Variants in ANTXR1 observed in about 807,000 individuals in gnomAD.
The protein encoded by ANTXR1 is anthrax toxin receptor 1.
Under a neutral mutation model 78.1 loss-of-function variants are expected in ANTXR1, and 19 were observed. The observed-to-expected ratio is 0.24, with a 90% CI of 0.17 to 0.36. ANTXR1 has a LOEUF of 0.36. ANTXR1 is among the 10% of genes least tolerant of loss of function. The pLI is 1.00. For missense variants in ANTXR1, 518 were observed against 718.6 expected (o/e 0.72, Z 3.19); for synonymous variants, 273 against 260.5 (o/e 1.05, Z -0.46).
In ANTXR1 at chr2:69,230,213, A is replaced by C. The variant is rs1221383457; in HGVS notation, c.1435-15012A>C. On this transcript the variant is annotated intron_variant, in intron 17 of 17. Coordinates refer to ENST00000303714, the MANE Select transcript of ANTXR1 (RefSeq NM_032208.3). ...AATTTGTCAGAACTAAACAGGTGCAAACAAAACATGCCATGATTTTATATA... is the reference window on the plus strand; with the variant it reads ...AATTTGTCAGAACTAAACAGGTGCACACAAAACATGCCATGATTTTATATA... Among the ~76,000 whole-genome samples, 3 of 152,078 alleles carry C rather than the reference A, an allele frequency of 2.0e-5. No homozygotes were observed. In the East Asian group the frequency reaches 5.8e-4, roughly 29 times the overall value.
intron 17 of ANTXR1, among the ~76,000 whole-genome samples, chr2:69,233,194 G>C (rs1291051701): frequency 6.6e-6 from 1 of 152,040 alleles, no homozygotes; most frequent in African/African-American, 2.4e-5. Flanking sequence ...TTGTGTACTT[G>C]TTATACGACA....
chr2:69,096,291 AGG>A (rs1671406226), intron 9 of ANTXR1, among the ~76,000 whole-genome samples: 3 of 35,380 alleles, frequency 8.5e-5, no homozygotes, highest in African/African-American at 4.1e-4. Context: ...GAAGGAAGGG[AGG>A]AAGGGAGGAA....
intron 12 of ANTXR1, 115 bp from the exon 13 acceptor site, chr2:69,152,054 G>A (rs1035439261): frequency 2.8e-6 from 3 of 1,058,150 alleles, no homozygotes; most frequent in Admixed American, 3.6e-5. Flanking sequence ...CATTTGCTTG[G>A]CAAACTGTGC....
chr2:69,087,913 C>A (rs1045203651), intron 8 of ANTXR1, among the ~76,000 whole-genome samples: 3 of 152,208 alleles, frequency 2.0e-5, no homozygotes, highest in African/African-American at 7.2e-5. Context: ...GACTTCCTAC[C>A]TTTTGAAACC....
intron 13 of ANTXR1, 83 bp from the exon 14 acceptor site, chr2:69,170,165 C>G (rs1256645407): frequency 1.8e-5 from 27 of 1,501,310 alleles, no homozygotes; most frequent in Non-Finnish European, 2.4e-5. Context: ...GGCAGCACCA[C>G]CACGGTACCT....
chr2:69,239,597 G>A (rs553948436), intron 17 of ANTXR1, among the ~76,000 whole-genome samples: 47 of 152,338 alleles, frequency 3.1e-4, no homozygotes, highest in African/African-American at 1.1e-3. Context: ...GGGCTGAAAG[G>A]CCCTTGAACG....
chr2:69,193,714 C>G (rs1280215131), intron 17 of ANTXR1, among the ~76,000 whole-genome samples: 1 of 152,210 alleles, frequency 6.6e-6, no homozygotes, highest in Non-Finnish European at 1.5e-5. Context: ...AGAATTTGAG[C>G]TTCTCAATGT....
At chr2:69,168,081 C>T (rs1673876755) in intron 13 of ANTXR1, among the ~76,000 whole-genome samples, 1 of 152,192 alleles carries the variant, frequency 6.6e-6, no homozygotes, top group Non-Finnish European at 1.5e-5. Flanking sequence ...AACCCTTGGC[C>T]ACTGTCAGAA....
At chr2:69,030,433 A>C (rs572501674) in intron 1 of ANTXR1, among the ~76,000 whole-genome samples, 1 of 152,354 alleles carries the variant, frequency 6.6e-6, no homozygotes, top group African/African-American at 2.4e-5. Flanking sequence ...CTGAATAAAA[A>C]CTTTAAATTT....
At chr2:69,115,954 C>G (rs1453208982) in intron 10 of ANTXR1, among the ~76,000 whole-genome samples, 2 of 152,246 alleles carry the variant, frequency 1.3e-5, no homozygotes, top group Non-Finnish European at 2.9e-5. Flanking sequence ...TATACTCATT[C>G]TGAGGATGTT....
At chr2:69,069,749 G>A (rs911870400) in intron 3 of ANTXR1, among the ~76,000 whole-genome samples, 6 of 152,090 alleles carry the variant, frequency 3.9e-5, no homozygotes, top group Admixed American at 2.0e-4. Context: ...TGTATATAGC[G>A]GATGCTCAAT....
chr2:69,063,314 T>TA (rs1331530348), intron 3 of ANTXR1, among the ~76,000 whole-genome samples: 2 of 151,270 alleles, frequency 1.3e-5, no homozygotes, highest in Admixed American at 6.6e-5. Flanking sequence ...GAAGCAACAT[T>TA]AAAAAAATAA....
chr2:69,204,874 T>C (rs1478362091), intron 17 of ANTXR1, among the ~76,000 whole-genome samples: 3 of 152,222 alleles, frequency 2.0e-5, no homozygotes, highest in African/African-American at 4.8e-5. Flanking sequence ...CAGGATGCTG[T>C]GCTCCCAGAT....
intron 10 of ANTXR1, among the ~76,000 whole-genome samples, chr2:69,117,005 A>G (rs1672166099): frequency 6.6e-6 from 1 of 152,208 alleles, no homozygotes; most frequent in South Asian, 2.1e-4. Flanking sequence ...CAAGGTCTAA[A>G]CCTGTAAATA....
chr2:69,070,474 T>C (rs558684868), intron 3 of ANTXR1, among the ~76,000 whole-genome samples, 173 bp from the exon 4 acceptor site: 1 of 152,306 alleles, frequency 6.6e-6, no homozygotes, highest in South Asian at 2.1e-4. Flanking sequence ...CATCCTGTGT[T>C]ATGGTTGACC....
At chr2:69,230,295 T>C (rs1675558944) in intron 17 of ANTXR1, among the ~76,000 whole-genome samples, 1 of 151,996 alleles carries the variant, frequency 6.6e-6, no homozygotes, top group South Asian at 2.1e-4. Context: ...TTTATTTCCT[T>C]ATGTCATCTA....
intron 13 of ANTXR1, among the ~76,000 whole-genome samples, chr2:69,163,111 G>T (rs1023540666): frequency 2.6e-5 from 4 of 151,898 alleles, no homozygotes; most frequent in African/African-American, 9.7e-5. Flanking sequence ...TAAATAAACA[G>T]GTGAAGTTTC....
intron 17 of ANTXR1, among the ~76,000 whole-genome samples, chr2:69,234,967 A>T (rs1675715528): frequency 6.6e-6 from 1 of 150,686 alleles, no homozygotes; most frequent in East Asian, 1.9e-4. Flanking sequence ...ATAAACATAG[A>T]AAAGTGAAAC....
chr2:69,205,033 T>C (rs1674861794), intron 17 of ANTXR1, among the ~76,000 whole-genome samples: 1 of 152,188 alleles, frequency 6.6e-6, no homozygotes. Flanking sequence ...GGATTTAGCA[T>C]GAACAAGGCG....
Sources: allele counts gnomAD v4.1 joint callset (sites outside exome capture counted in the v4.1 genomes callset), GRCh38; gene constraint gnomAD v4.1.1; transcripts MANE v1.5; gene names NCBI Gene and HGNC (gene_info 2026-07-23, HGNC 2026-07-21).